LARP4B: variants seen among roughly 807,000 people sequenced by gnomAD.
LARP4B encodes the protein La ribonucleoprotein 4B.
A neutral mutation model predicts 89.8 loss-of-function variants in LARP4B; 12 were observed. The observed-to-expected ratio is 0.13, with a 90% CI of 0.09 to 0.22. The LOEUF is 0.22. Among genes scored for constraint, LARP4B ranks in the 10% least tolerant of loss-of-function variants. LARP4B has a pLI of 1.00. For missense variants in LARP4B, 757 were observed against 947.7 expected, an observed-to-expected ratio of 0.80 and a Z score of 2.64; for synonymous variants, 367 against 363.3, an observed-to-expected ratio of 1.01 and a Z score of -0.12.
intron 1 of LARP4B, among the ~76,000 whole-genome samples, chr10:921,984 G>A (rs1220064956): frequency 6.6e-6 from 1 of 152,058 alleles, no homozygotes; most frequent in African/African-American, 2.4e-5. Context: ...TTTCACAATG[G>A]TCAGTACTCC....
chr10:880,687 C>CAAA, intron 3 of LARP4B, among the ~76,000 whole-genome samples: 1 of 141,090 alleles, frequency 7.1e-6, no homozygotes, highest in South Asian at 2.3e-4. Context: ...GAGGCTGACT[C>CAAA]AAAAAAAAAA....
At chr10:932,132 G>T (rs1830646862), upstream of LARP4B, among the ~76,000 whole-genome samples, 1 of 151,824 alleles carries the variant, frequency 6.6e-6, no homozygotes, top group Non-Finnish European at 1.5e-5. Flanking sequence ...GACGGATGGC[G>T]ACCCCGGCCC....
intron 1 of LARP4B, among the ~76,000 whole-genome samples, chr10:900,024 G>T (rs939427310): frequency 6.6e-6 from 1 of 151,418 alleles, no homozygotes; most frequent in East Asian, 1.9e-4. Flanking sequence ...AAAAAAAAAT[G>T]ATCACAGAAG....
chr10:842,538 G>A (rs755584402), intron 7 of LARP4B, among the ~76,000 whole-genome samples: 5 of 152,194 alleles, frequency 3.3e-5, no homozygotes, highest in Middle Eastern at 3.4e-3. Flanking sequence ...TATTTCATCC[G>A]AACATAAACA....
In LARP4B at chr10:849,316, GAAACA is replaced by G. The variant is rs933120246; in HGVS notation, c.431-4266_431-4262del. Among the ~76,000 whole-genome samples the G allele has an allele frequency of 3.3e-5, 5 of 152,172 alleles. No homozygotes were observed. In the South Asian group the frequency reaches 8.3e-4, roughly 25 times the overall value. On this transcript the variant is annotated intron_variant, in intron 5 of 17. Coordinates refer to ENST00000316157, the MANE Select transcript of LARP4B (RefSeq NM_015155.3). ...GCTGATTCTAAGGCTGAAGCAAGGAGAAACAAAACAAAACAAAATAACCACAAAAA... is the reference window on the plus strand; with the variant it reads ...GCTGATTCTAAGGCTGAAGCAAGGAGAAACAAAACAAAATAACCACAAAAA...
chr10:976,059 T>G, the LARP4B span, among the ~76,000 whole-genome samples: 7 of 86,536 alleles, frequency 8.1e-5, no homozygotes, highest in Admixed American at 1.2e-4. Context: ...CCTAGTAGAA[T>G]GTAAGCCTGT....
chr10:902,616 A>T (rs1412616596), intron 1 of LARP4B, among the ~76,000 whole-genome samples: 1 of 151,758 alleles, frequency 6.6e-6, no homozygotes, highest in Non-Finnish European at 1.5e-5. Context: ...TTTAACCTCA[A>T]GTTGAAGCAG....
the LARP4B span, among the ~76,000 whole-genome samples, chr10:979,957 C>T: frequency 1.3e-4 from 20 of 152,088 alleles, no homozygotes; most frequent in Non-Finnish European, 2.1e-4. Flanking sequence ...GGTGACAGAG[C>T]GAGACTCTGT....
chr10:902,772 G>A (rs772897420), intron 1 of LARP4B, among the ~76,000 whole-genome samples: 5 of 151,488 alleles, frequency 3.3e-5, no homozygotes, highest in Non-Finnish European at 7.4e-5. Flanking sequence ...AGTCTCCCAA[G>A]TACCTAGGAT....
At chr10:933,915 C>T (rs966063945), upstream of LARP4B, among the ~76,000 whole-genome samples, 15 of 151,998 alleles carry the variant, frequency 9.9e-5, no homozygotes, top group African/African-American at 3.6e-4. Context: ...TCACTGCAAC[C>T]TCAGTCTCCC....
intron 1 of LARP4B, among the ~76,000 whole-genome samples, chr10:914,095 T>C (rs1421698317): frequency 6.6e-6 from 1 of 152,124 alleles, no homozygotes; most frequent in Non-Finnish European, 1.5e-5. Flanking sequence ...TATATTTAGG[T>C]TATAAACAAA....
At chr10:820,712 T>C in intron 14 of LARP4B, 88 bp downstream of exon 14, 1 of 1,202,574 alleles carries the variant, frequency 8.3e-7, no homozygotes, top group Non-Finnish European at 1.2e-6. Context: ...TTCTTGTGCC[T>C]TAACCTTAAT....
chr10:888,553 C>A lies in LARP4B; in HGVS notation c.-39-2793G>T, dbSNP rs1383987787. Among the ~76,000 whole-genome samples the A allele has an allele frequency of 8.5e-5, 13 of 152,298 alleles. No homozygotes were observed. In the East Asian group the frequency reaches 2.5e-3, roughly 29 times the overall value. On this transcript the variant is annotated intron_variant, in intron 1 of 17. Transcript: ENST00000316157. The stretch of plus-strand genomic sequence containing the variant: ...ACCACAGGCACAAACAAGTGTTAAG[C>A]TCCTACAGCATATTTCCAGTCACAA...
chr10:905,632 C>T lies in LARP4B; in HGVS notation c.-39-19872G>A, dbSNP rs1469898944. 2.0e-5 allele frequency among the ~76,000 whole-genome samples: 3 copies of T among 151,668 alleles called. No individual in the cohort carries two copies. In the East Asian group the frequency reaches 5.8e-4, roughly 29 times the overall value. On this transcript the variant is annotated intron_variant, in intron 1 of 17. Transcript: ENST00000316157. ...TCACTGTTTCAACAGCTTATTCTGTCGCAAAAAAAAGAAAGTGAACGTGGG... is the reference window on the plus strand; with the variant it reads ...TCACTGTTTCAACAGCTTATTCTGTTGCAAAAAAAAGAAAGTGAACGTGGG...
chr10:940,862 C>A, the LARP4B span, among the ~76,000 whole-genome samples: 1 of 151,696 alleles, frequency 6.6e-6, no homozygotes. Context: ...AGGTGAGAAG[C>A]AGAGGTTGAC....
intron 9 of LARP4B, 72 bp downstream of exon 9, chr10:830,795 A>T (rs1832863423): frequency 2.9e-6 from 2 of 701,356 alleles, no homozygotes; most frequent in Non-Finnish European, 2.5e-6. Context: ...GCCCAAGTTT[A>T]GTCCCAACAT....
intron 9 of LARP4B, 105 bp from the exon 10 acceptor site, chr10:829,839 T>C (rs774160506): frequency 1.3e-5 from 10 of 778,588 alleles, no homozygotes; most frequent in Non-Finnish European, 2.2e-5. Context: ...AATTAAATTA[T>C]GGTGAACAGA....
chr10:968,372 C>T, the LARP4B span, among the ~76,000 whole-genome samples: 3 of 152,110 alleles, frequency 2.0e-5, no homozygotes, highest in Non-Finnish European at 4.4e-5. Flanking sequence ...AGATAGTTTC[C>T]AAAGAATGTT....
intron 1 of LARP4B, among the ~76,000 whole-genome samples, chr10:914,807 G>A (rs184805263): frequency 0.017 from 1,394 of 83,868 alleles, 25 homozygotes; most frequent in African/African-American, 0.063. Context: ...CGCCCCACCC[G>A]CCCCCACCGC....
Sources: allele counts gnomAD v4.1 joint callset (sites outside exome capture counted in the v4.1 genomes callset), GRCh38; gene constraint gnomAD v4.1.1; transcripts MANE v1.5; gene names NCBI Gene and HGNC (gene_info 2026-07-23, HGNC 2026-07-21).